Variants in TPP2 observed in about 807,000 individuals in gnomAD.
TPP2 encodes the protein tripeptidyl-peptidase 2.
TPP2 carries 34 observed loss-of-function variants against 155.9 expected under a neutral mutation model. That is an observed-to-expected ratio of 0.22 (90% CI 0.17 to 0.29). TPP2 has a LOEUF of 0.29. Among genes scored for constraint, TPP2 ranks in the 10% least tolerant of loss-of-function variants. TPP2 has a pLI of 1.00. For missense variants in TPP2, 1,028 were observed against 1,522.3 expected (o/e 0.68, Z 5.40); for synonymous variants, 510 against 529.4 (o/e 0.96, Z 0.50).
chr13:102,610,155 A>G (rs1465902503), intron 2 of TPP2, among the ~76,000 whole-genome samples: 1 of 152,216 alleles, frequency 6.6e-6, no homozygotes, highest in African/African-American at 2.4e-5. Context: ...TCTTTAGTAC[A>G]TAGTTTTCAG....
chr13:102,647,188 CT>C lies in TPP2; in HGVS notation c.2491-13del. The C allele has an allele frequency of 6.3e-7, 1 of 1,583,438 alleles. No individual in the cohort carries two copies. Among genetic ancestry groups the C allele is most frequent in the South Asian group, 1.2e-5 (1 of 85,006 alleles). ...TTATATGCAAATCATGCCAAGTAAT[CT>C]TTTTTGTTTTTTAATAGCCCAAGAG... On this transcript the variant is annotated intron_variant, in intron 20 of 29. Coordinates refer to ENST00000376052, the MANE Select transcript of TPP2 (RefSeq NM_001330588.2).
At chr13:102,669,469 T>C (rs1884825227) in intron 27 of TPP2, among the ~76,000 whole-genome samples, 1 of 152,198 alleles carries the variant, frequency 6.6e-6, no homozygotes, top group Admixed American at 6.5e-5. Flanking sequence ...TAATAACATA[T>C]TGAGCAGACT....
chr13:102,608,569 T>G (rs1357196562), intron 2 of TPP2, among the ~76,000 whole-genome samples: 1 of 152,148 alleles, frequency 6.6e-6, no homozygotes, highest in Non-Finnish European at 1.5e-5. Context: ...ATTGTAACCC[T>G]TGTGTGAATT....
At chr13:102,601,091 T>A (rs1417662126) in intron 1 of TPP2, among the ~76,000 whole-genome samples, 3 of 152,140 alleles carry the variant, frequency 2.0e-5, no homozygotes, top group African/African-American at 7.2e-5. Context: ...AGGGTCTCAC[T>A]GTGTTACCCA....
At position 102,663,678 on chromosome 13, in the gene TPP2, G is replaced by T. The variant is rs771119320; in HGVS notation, c.3174G>T (p.Leu1058Phe). The T allele has an allele frequency of 1.2e-6, 2 of 1,606,604 alleles. No homozygotes were observed. Among genetic ancestry groups the T allele is most frequent in the Admixed American group, 1.7e-5 (1 of 58,750 alleles). Residue 1058 changes from leucine to phenylalanine, a missense_variant, in exon 26 of 30, where the codon TTG (leucine) becomes TTT (phenylalanine). By Grantham distance (22) the Leu-to-Phe change is conservative (BLOSUM62 0). Around this residue, in one of 7 missense-constraint regions of TPP2, gnomAD observed 179 missense variants for 274.7 expected, o/e 0.65. Transcript: ENST00000376052. ...KLDSSDIYNELKETYPNYLPL... is the reference protein window; with the variant it reads ...KLDSSDIYNEFKETYPNYLPL... ...ATTCTAGTGACATTTATAACGAATT[G>T]AAAGAAACATATCCTAATTATCTTC...
At chr13:102,601,959 C>T (rs1879463109) in intron 1 of TPP2, among the ~76,000 whole-genome samples, 1 of 152,040 alleles carries the variant, frequency 6.6e-6, no homozygotes, top group Non-Finnish European at 1.5e-5. Context: ...ACAAATAAGC[C>T]ATTAAATCCC....
At chr13:102,631,892 G>C (rs1380842783) in intron 10 of TPP2, among the ~76,000 whole-genome samples, 1 of 152,246 alleles carries the variant, frequency 6.6e-6, no homozygotes, top group Non-Finnish European at 1.5e-5. Flanking sequence ...CATTGACTGA[G>C]ACACACAGCA....
At chr13:102,673,965 T>A (rs779346948) in intron 27 of TPP2, among the ~76,000 whole-genome samples, 11 of 152,156 alleles carry the variant, frequency 7.2e-5, no homozygotes, top group Non-Finnish European at 1.3e-4. Flanking sequence ...CAAAAGTCGT[T>A]TACCTGATTA....
intron 1 of TPP2, among the ~76,000 whole-genome samples, chr13:102,597,503 G>A (rs944800346): frequency 2.0e-5 from 3 of 152,192 alleles, no homozygotes; most frequent in African/African-American, 7.2e-5. Context: ...GCCTGGGGAA[G>A]CCTGGGTCCC....
chr13:102,661,434 G>A (rs1471294832), intron 25 of TPP2, among the ~76,000 whole-genome samples: 2 of 151,612 alleles, frequency 1.3e-5, no homozygotes, highest in African/African-American at 4.9e-5. Context: ...TAAGGGATGG[G>A]ATCTCACTAT....
chr13:102,643,111 C>T, intron 16 of TPP2, 111 bp from the exon 17 acceptor site: 4 of 1,006,806 alleles, frequency 4.0e-6, no homozygotes, highest in South Asian at 4.7e-5. Flanking sequence ...TTTTTGATCC[C>T]TATTATGTCC....
rs1882197432 is a variant in TPP2, at chr13:102,633,940, T to A, written c.1245-10T>A. The A allele has an allele frequency of 2.5e-6, 4 of 1,613,904 alleles. No individual in the cohort carries two copies. The highest frequency in any genetic ancestry group is 3.4e-6 in the Non-Finnish European group (4 of 1,179,848). On this transcript the variant is annotated splice_polypyrimidine_tract_variant and intron_variant, in intron 10 of 29. Transcript: ENST00000376052. ...CCATCCTAAGCAAACTTCAATGGCT[T>A]TCCATTTAGTGCTGACGGGGCCCTT... is the stretch of plus-strand genomic sequence containing the variant.
chr13:102,632,986 C>G (rs1295317210), intron 10 of TPP2, among the ~76,000 whole-genome samples: 1 of 149,628 alleles, frequency 6.7e-6, no homozygotes, highest in Non-Finnish European at 1.5e-5. Context: ...ATATGTATTG[C>G]TTTCAGTTCT....
intron 2 of TPP2, among the ~76,000 whole-genome samples, chr13:102,608,800 C>G (rs1041873318): frequency 2.0e-5 from 3 of 152,112 alleles, no homozygotes; most frequent in Admixed American, 2.0e-4. Context: ...CTTCCTCTTT[C>G]TCTGCCTCCT....
At chr13:102,608,257 GT>G (rs1161661793) in intron 2 of TPP2, among the ~76,000 whole-genome samples, 3 of 151,888 alleles carry the variant, frequency 2.0e-5, no homozygotes, top group Admixed American at 1.3e-4. Context: ...ATTATCTTCA[GT>G]TTAAAATAAC....
chr13:102,673,165 G>A (rs1885084160), intron 27 of TPP2, among the ~76,000 whole-genome samples: 1 of 152,182 alleles, frequency 6.6e-6, no homozygotes, highest in Admixed American at 6.5e-5. Context: ...CTGCCATGCG[G>A]CCTCTTAGAT....
Position 102,678,793 on chromosome 13 carries a change from A to ATTTTTTTTTTTTTTTTTTTTTTTT in TPP2, c.*478_*501dup. ...AAACTAACAGAACTTCATTTCCAGA[A>ATTTTTTTTTTTTTTTTTTTTTTTT]TTTTTTTTTTTTTTTTTTTTTTTTG... On this transcript the variant is annotated 3_prime_UTR_variant, in exon 30 of 30. Transcript: ENST00000376052. 1 of 121,538 alleles carries ATTTTTTTTTTTTTTTTTTTTTTTT rather than the reference A, an allele frequency of 8.2e-6. No individual in the cohort carries two copies. The highest frequency in any genetic ancestry group is 2.8e-4 in the South Asian group (1 of 3,528). 7.5% of individuals were successfully genotyped at this position (121,538 alleles called of 1,614,324 possible). A position where few individuals can be genotyped will look rare whatever the true frequency, so the allele number is the denominator to read the frequency against.
intron 27 of TPP2, among the ~76,000 whole-genome samples, chr13:102,669,728 G>A (rs956316122): frequency 6.0e-5 from 9 of 150,690 alleles, no homozygotes; most frequent in African/African-American, 2.2e-4. Flanking sequence ...GTCCAATTTT[G>A]GTGGAAACAT....
At chr13:102,652,963 G>A (rs1024809785) in intron 24 of TPP2, among the ~76,000 whole-genome samples, 1 of 152,100 alleles carries the variant, frequency 6.6e-6, no homozygotes, top group Non-Finnish European at 1.5e-5. Context: ...AAAATAGAAG[G>A]CACTTATCAC....
Sources: gnomAD v4.1 joint callset for allele counts (sites outside exome capture counted in the v4.1 genomes callset) on GRCh38, gnomAD v4.1.1 for gene constraint, gnomAD v4.1.1 regional missense constraint, MANE v1.5 for transcripts, NCBI Gene and HGNC (gene_info 2026-07-23, HGNC 2026-07-21) for gene names.